The following IDO2 variants were observed in gnomAD, a reference collection of about 807,000 sequenced individuals.
The protein encoded by IDO2 is indoleamine 2,3-dioxygenase 2, also known as indoleamine 2,3-dioxygenase-like 1 protein.
A neutral mutation model predicts 45.1 loss-of-function variants in IDO2; 46 were observed. That is an observed-to-expected ratio of 1.02 (90% CI 0.80 to 1.30). IDO2 has a LOEUF of 1.30. IDO2 is among the 50% of genes most tolerant of loss of function. IDO2 has a pLI of 0.00. For missense variants in IDO2, 544 were observed against 491.8 expected (o/e 1.11, Z -1.00); for synonymous variants, 218 against 184.9 (o/e 1.18, Z -1.45).
At chr8:39,939,299 C>A (rs866802779) in intron 1 of IDO2, among the ~76,000 whole-genome samples, 1 of 148,788 alleles carries the variant, frequency 6.7e-6, no homozygotes, top group Non-Finnish European at 1.5e-5. Flanking sequence ...GTAATCCCAG[C>A]ACTTTGGGAG....
At chr8:39,993,599 A>T (rs1801982757) in intron 8 of IDO2, among the ~76,000 whole-genome samples, 1 of 152,184 alleles carries the variant, frequency 6.6e-6, no homozygotes, top group Non-Finnish European at 1.5e-5. Flanking sequence ...TCAGCCTGTG[A>T]ACTTATTTTG....
intron 2 of IDO2, among the ~76,000 whole-genome samples, chr8:39,954,649 CT>C (rs542016899): frequency 3.0e-3 from 258 of 84,728 alleles, no homozygotes; most frequent in Non-Finnish European, 4.0e-3. Flanking sequence ...GTCTCTCTCT[CT>C]TTTTTTTTTT....
chr8:39,969,834 G>T lies in IDO2; in HGVS notation c.195+6131G>T, dbSNP rs563110453. On this transcript the variant is annotated intron_variant, in intron 3 of 10. Coordinates refer to ENST00000502986, the Ensembl canonical transcript of IDO2. ...AGGTTGCAGTGAGCCTAGATTGTGC[G>T]ATTGCACTCCAGCCAGGGCAACAAG... Among the ~76,000 whole-genome samples, 6 of 150,332 alleles carry T rather than the reference G, an allele frequency of 4.0e-5. No individual in the cohort carries two copies. The South Asian group carries it at 1.0e-3, about 26-fold the overall frequency.
At chr8:39,940,624 C>T (rs901172172) in intron 1 of IDO2, among the ~76,000 whole-genome samples, 16 of 152,078 alleles carry the variant, frequency 1.1e-4, no homozygotes, top group African/African-American at 2.7e-4. Flanking sequence ...TTTTAAAATA[C>T]GCAATATATT....
chr8:40,005,418 T>C (rs753841500), intron 9 of IDO2, 40 bp downstream of exon 9: 2 of 1,310,200 alleles, frequency 1.5e-6, no homozygotes, highest in South Asian at 1.6e-5. Flanking sequence ...GAAGTCTCTG[T>C]AGCATTGACT....
chr8:39,985,695 T>C (rs1563435294), intron 6 of IDO2, 173 bp downstream of exon 6: 2 of 616,730 alleles, frequency 3.2e-6, no homozygotes, highest in South Asian at 4.6e-5. Flanking sequence ...GTCTAAAATT[T>C]AACAGTGATT....
At chr8:39,943,872 A>C (rs1446198792) in intron 1 of IDO2, among the ~76,000 whole-genome samples, 1 of 152,176 alleles carries the variant, frequency 6.6e-6, no homozygotes, top group Non-Finnish European at 1.5e-5. Flanking sequence ...ATAGTACTTT[A>C]AGTCCTAGCC....
At chr8:39,993,823 G>A (rs1293775780) in intron 8 of IDO2, among the ~76,000 whole-genome samples, 1 of 152,008 alleles carries the variant, frequency 6.6e-6, no homozygotes, top group Non-Finnish European at 1.5e-5. Flanking sequence ...GGTAGCCAAC[G>A]TGGTGAAACC....
chr8:39,957,179 G>A (rs1024324859), intron 2 of IDO2, among the ~76,000 whole-genome samples: 1 of 151,768 alleles, frequency 6.6e-6, no homozygotes, highest in African/African-American at 2.4e-5. Flanking sequence ...TTTCCAAGGT[G>A]ACCAGTTTTC....
rs115179191 is a variant in IDO2 at position 39,947,247 on chromosome 8, G to C, written c.-17-1902G>C. Among the ~76,000 whole-genome samples, 888 of 148,170 alleles carry C rather than the reference G, an allele frequency of 6.0e-3. 6 individuals are homozygous for C. Among genetic ancestry groups the C allele is most frequent in the African/African-American group, 0.021 (834 of 40,316 alleles). ...TGTTCTTGCTGTAAAATGTAAAGTA[G>C]ATATTCCTCTTCAAAGACTTTCCTC... On this transcript the variant is annotated intron_variant, in intron 1 of 10. Coordinates refer to ENST00000502986, the Ensembl canonical transcript of IDO2.
intron 6 of IDO2, among the ~76,000 whole-genome samples, chr8:39,986,736 T>C (rs561988493): frequency 1.3e-5 from 2 of 152,120 alleles, no homozygotes; most frequent in Non-Finnish European, 2.9e-5. Flanking sequence ...TGGCCCTGTG[T>C]TCCCACCCAT....
Position 39,935,129 on chromosome 8 carries a change from T to C in IDO2, c.-107T>C. On this transcript the variant is annotated 5_prime_UTR_variant, in exon 1 of 11. The change abolishes the stop of an existing upstream ORF in the 5' untranslated region. Transcript: ENST00000502986. ...CATAATACAGAAGGCAATGGACACC[T>C]AAAGAACAGAATGAAAACCTTCTTA... 1 of 1,420,864 alleles carries C rather than the reference T, an allele frequency of 7.0e-7. No individual in the cohort carries two copies. Among genetic ancestry groups the C allele is most frequent in the African/African-American group, 1.4e-5 (1 of 71,238 alleles). 88.0% of individuals were successfully genotyped at this position (1,420,864 alleles called of 1,614,324 possible).
At chr8:39,990,716 C>T (rs1808486376) in intron 8 of IDO2, among the ~76,000 whole-genome samples, 1 of 152,174 alleles carries the variant, frequency 6.6e-6, no homozygotes, top group Non-Finnish European at 1.5e-5. Flanking sequence ...TATTATGGCA[C>T]ATGTATTCCC....
exon 11 of IDO2, chr8:40,015,744 C>T: frequency 3.1e-6 from 2 of 645,986 alleles, no homozygotes; most frequent in South Asian, 2.0e-5. Context: ...ACTATATTCT[C>T]CTTGTTGAGA....
chr8:39,943,334 G>A (rs143480915), intron 1 of IDO2, among the ~76,000 whole-genome samples: 1 of 152,260 alleles, frequency 6.6e-6, no homozygotes, highest in Non-Finnish European at 1.5e-5. Flanking sequence ...TTGTGCCACT[G>A]TACTCCAGTC....
chr8:39,955,921 T>A (rs1807884768), intron 2 of IDO2, among the ~76,000 whole-genome samples: 1 of 152,226 alleles, frequency 6.6e-6, no homozygotes, highest in South Asian at 2.1e-4. Context: ...AATATATTGT[T>A]GAACTCAATT....
intron 9 of IDO2, among the ~76,000 whole-genome samples, chr8:40,007,683 C>G (rs1468128959): frequency 6.6e-6 from 1 of 152,206 alleles, no homozygotes; most frequent in Non-Finnish European, 1.5e-5. Flanking sequence ...ACATTGCTCT[C>G]TAAATCTGTA....
exon 11 of IDO2, chr8:40,015,456 G>A (rs1802373742): frequency 6.2e-7 from 1 of 1,613,918 alleles, no homozygotes. Flanking sequence ...CACAGCTGCA[G>A]CCAAGGCAAA....
At chr8:39,987,775 A>G in intron 6 of IDO2, 96 bp from the exon 7 acceptor site, 4 of 701,418 alleles carry the variant, frequency 5.7e-6, no homozygotes, top group Non-Finnish European at 1.0e-5. Flanking sequence ...CAGTGATTCC[A>G]CCCTGCAGTT....
Sources: allele counts gnomAD v4.1 joint callset (sites outside exome capture counted in the v4.1 genomes callset), GRCh38; gene constraint gnomAD v4.1.1; transcripts MANE v1.5; gene names NCBI Gene and HGNC (gene_info 2026-07-23, HGNC 2026-07-21).